Variants in SIPA1L1 observed in about 807,000 individuals in gnomAD.
The protein encoded by SIPA1L1 is signal-induced proliferation-associated 1-like protein 1.
In SIPA1L1, 26 loss-of-function variants were observed where a neutral mutation model predicts 162.7. The ratio of observed to expected loss-of-function variants is 0.16; its 90% confidence interval spans 0.12 to 0.22. The LOEUF (loss-of-function observed/expected upper bound fraction) is 0.22, where lower values mean the gene tolerates loss of function less well. Ranked by LOEUF, SIPA1L1 falls within the 10% of genes least tolerant of loss-of-function variation. The pLI is 1.00. For missense variants in SIPA1L1, 1,874 were observed against 2,241.0 expected, an observed-to-expected ratio of 0.84 and a Z score of 3.31; for synonymous variants, 829 against 837.4, an observed-to-expected ratio of 0.99 and a Z score of 0.17.
At chr14:71,583,298 T>G (rs913182924) in intron 4 of SIPA1L1, among the ~76,000 whole-genome samples, 4 of 152,172 alleles carry the variant, frequency 2.6e-5, no homozygotes, top group South Asian at 4.1e-4. Context: ...GCCTGGAAAT[T>G]TTCATAAATA....
intron 12 of SIPA1L1, among the ~76,000 whole-genome samples, chr14:71,677,900 A>G (rs985208809): frequency 2.0e-4 from 30 of 152,110 alleles, no homozygotes; most frequent in Admixed American, 3.3e-4. Context: ...TTTGAAGTCA[A>G]ATAGCGTGAT....
Position 71,496,718 on chromosome 14 carries a change from T to C in SIPA1L1, c.-464-16025T>C, listed in dbSNP as rs7151052. On this transcript the variant is annotated intron_variant, in intron 2 of 23. Transcript: ENST00000381232. ...TTGAAGTCTTCAATTATTAATGAATTGTCTCTCTCAGTTCTGTTTCATTTG... is the reference window on the plus strand; with the variant it reads ...TTGAAGTCTTCAATTATTAATGAATCGTCTCTCTCAGTTCTGTTTCATTTG... Among the ~76,000 whole-genome samples the C allele has an allele frequency of 3.5e-3, 509 of 145,474 alleles. 3 individuals carry two copies. The highest frequency in any genetic ancestry group is 0.012 in the African/African-American group (485 of 41,062).
intron 2 of SIPA1L1, among the ~76,000 whole-genome samples, chr14:71,360,425 A>G (rs1427426763): frequency 2.0e-5 from 3 of 152,226 alleles, no homozygotes; most frequent in Admixed American, 6.5e-5. Flanking sequence ...CCCAGTATCT[A>G]TCACACAGCT....
intron 4 of SIPA1L1, among the ~76,000 whole-genome samples, chr14:71,547,624 T>C (rs1450928124): frequency 6.6e-6 from 1 of 152,200 alleles, no homozygotes; most frequent in Non-Finnish European, 1.5e-5. Context: ...ATTAATTTTC[T>C]AGAATAATTA....
intron 2 of SIPA1L1, among the ~76,000 whole-genome samples, chr14:71,427,950 T>A (rs1180436151): frequency 6.6e-6 from 1 of 152,078 alleles, no homozygotes. Context: ...CCTGTTTGTG[T>A]TTCTTGTGAT....
intron 9 of SIPA1L1, among the ~76,000 whole-genome samples, chr14:71,660,428 C>T (rs550316818): frequency 1.3e-5 from 2 of 152,000 alleles, no homozygotes; most frequent in Non-Finnish European, 2.9e-5. Flanking sequence ...ATTATTTCTC[C>T]CACCTGGCAG....
chr14:71,578,204 C>T (rs982955399), intron 4 of SIPA1L1, among the ~76,000 whole-genome samples: 5 of 152,064 alleles, frequency 3.3e-5, no homozygotes, highest in South Asian at 4.2e-4. Flanking sequence ...CCACTGCTCC[C>T]GGACTTTTTA....
At chr14:71,456,918 T>C (rs1260442006) in intron 2 of SIPA1L1, among the ~76,000 whole-genome samples, 1 of 152,208 alleles carries the variant, frequency 6.6e-6, no homozygotes, top group African/African-American at 2.4e-5. Context: ...GACATCAGTA[T>C]TGCCATCTGA....
chr14:71,534,443 G>C (rs1314617497), intron 4 of SIPA1L1, among the ~76,000 whole-genome samples: 1 of 152,128 alleles, frequency 6.6e-6, no homozygotes, highest in African/African-American at 2.4e-5. Context: ...AAGACTTCTA[G>C]AGTTCTTAAT....
chr14:71,671,735 A>G, intron 11 of SIPA1L1, 43 bp downstream of exon 11: 3 of 1,476,226 alleles, frequency 2.0e-6, no homozygotes, highest in Non-Finnish European at 1.8e-6. Context: ...TTTCTCTTTC[A>G]TAAAGTTTTC....
intron 20 of SIPA1L1, among the ~76,000 whole-genome samples, chr14:71,733,018 C>G (rs1276926127): frequency 6.6e-6 from 1 of 152,208 alleles, no homozygotes; most frequent in Admixed American, 6.5e-5. Context: ...CAAGACCAGC[C>G]TGGCCAACAT....
chr14:71,615,143 A>T (rs965358459), intron 5 of SIPA1L1, among the ~76,000 whole-genome samples: 2 of 152,232 alleles, frequency 1.3e-5, no homozygotes, highest in Non-Finnish European at 2.9e-5. Context: ...TAAAAATTAG[A>T]GGACTTAGAC....
At chr14:71,696,542 T>C (rs1415166630) in intron 13 of SIPA1L1, among the ~76,000 whole-genome samples, 1 of 152,248 alleles carries the variant, frequency 6.6e-6, no homozygotes, top group Non-Finnish European at 1.5e-5. Context: ...CCAACTGTTG[T>C]TCAAGTGATC....
At chr14:71,638,116 A>G (rs1251890961) in intron 7 of SIPA1L1, among the ~76,000 whole-genome samples, 2 of 152,224 alleles carry the variant, frequency 1.3e-5, no homozygotes, top group Non-Finnish European at 2.9e-5. Context: ...TTTCCTGGGA[A>G]GTCTACCTAA....
chr14:71,419,661 C>A (rs1330745795), intron 2 of SIPA1L1, among the ~76,000 whole-genome samples: 1 of 151,622 alleles, frequency 6.6e-6, no homozygotes, highest in Non-Finnish European at 1.5e-5. Flanking sequence ...CCACGCCCGG[C>A]TAATTTTTTG....
intron 4 of SIPA1L1, among the ~76,000 whole-genome samples, chr14:71,579,903 C>G (rs2147265596): frequency 6.6e-6 from 1 of 152,228 alleles, no homozygotes; most frequent in South Asian, 2.1e-4. Context: ...CCTACTGAGC[C>G]CCTTCCCGTT....
chr14:71,735,019 G>A (rs145531442), intron 21 of SIPA1L1, among the ~76,000 whole-genome samples: 25 of 152,188 alleles, frequency 1.6e-4, no homozygotes, highest in Non-Finnish European at 3.4e-4. Flanking sequence ...TTCATAGAAT[G>A]CTACAGTGAT....
At position 71,499,073 on chromosome 14, in the gene SIPA1L1, A is replaced by T. The variant is rs147066447; in HGVS notation, c.-464-13670A>T. On this transcript the variant is annotated intron_variant, in intron 2 of 23. Coordinates refer to ENST00000381232, the MANE Select transcript of SIPA1L1 (RefSeq NM_001386936.1). ...AGTATATTCCTCAAGTTGTTATTGC[A>T]TAAAAGAAACATTTAAATCATGGTT... Among the ~76,000 whole-genome samples the T allele has an allele frequency of 2.1e-4, 32 of 152,372 alleles. No individual in the cohort carries two copies. The East Asian group carries it at 6.0e-3, about 28-fold the overall frequency.
chr14:71,413,239 A>G (rs1340574519), intron 2 of SIPA1L1, among the ~76,000 whole-genome samples: 1 of 152,206 alleles, frequency 6.6e-6, no homozygotes, highest in Non-Finnish European at 1.5e-5. Context: ...GTAGAGAACT[A>G]GTATTTTGGA....
Sources: allele counts gnomAD v4.1 joint callset (sites outside exome capture counted in the v4.1 genomes callset), GRCh38; gene constraint gnomAD v4.1.1; transcripts MANE v1.5; gene names NCBI Gene and HGNC (gene_info 2026-07-23, HGNC 2026-07-21).